KCNC2: variants seen among roughly 807,000 people sequenced by gnomAD.
KCNC2 encodes voltage-gated potassium channel KCNC2.
Under a neutral mutation model 44.5 loss-of-function variants are expected in KCNC2, and 21 were observed. The observed-to-expected ratio is 0.47, with a 90% CI of 0.33 to 0.68. KCNC2 has a LOEUF of 0.68. Among genes scored for constraint, KCNC2 ranks in the 30% least tolerant of loss-of-function variants. The pLI is 0.01. For synonymous variants in KCNC2, 391 were observed against 339.1 expected (o/e 1.15, Z -1.68); for missense variants, 589 against 826.2 (o/e 0.71, Z 3.52).
chr12:75,182,538 CAAAAAAAACA>C (rs1265972483), intron 2 of KCNC2, among the ~76,000 whole-genome samples: 4 of 123,572 alleles, frequency 3.2e-5, no homozygotes, highest in South Asian at 5.0e-4. Flanking sequence ...AAAAAAAAAA[CAAAAAAAACA>C]AAAAAAAACA....
At chr12:75,191,548 T>A (rs1565681665) in intron 2 of KCNC2, among the ~76,000 whole-genome samples, 3 of 67,832 alleles carry the variant, frequency 4.4e-5, no homozygotes, top group Non-Finnish European at 8.3e-5. Flanking sequence ...TTTTTTTTTT[T>A]TTTTTTTTTT....
At chr12:75,048,640 A>G (rs1880819003) in intron 3 of KCNC2, among the ~76,000 whole-genome samples, 1 of 152,098 alleles carries the variant, frequency 6.6e-6, no homozygotes, top group Non-Finnish European at 1.5e-5. Flanking sequence ...ATTGTCTTAC[A>G]ATTTTTGACG....
chr12:75,190,141 G>C (rs909111238), intron 2 of KCNC2, among the ~76,000 whole-genome samples: 1 of 152,054 alleles, frequency 6.6e-6, no homozygotes, highest in Non-Finnish European at 1.5e-5. Flanking sequence ...TTATGAAATT[G>C]AAAAAGAAAC....
At chr12:75,086,681 A>AAAAATATATAT (rs1206456289) in intron 2 of KCNC2, among the ~76,000 whole-genome samples, 52 of 54,158 alleles carry the variant, frequency 9.6e-4, no homozygotes, top group African/African-American at 4.0e-3. Context: ...AAAAAAAAAA[A>AAAAATATATAT]ATATATATAT....
rs553557882 is a variant in KCNC2, at chr12:75,135,980, C to G, written c.687+71317G>C. ...CACACCACACTTACCAACTCCTTTT[C>G]TCTAATGTCAGAGAAAAATTTCCCT... On this transcript the variant is annotated intron_variant, in intron 2 of 4. Coordinates refer to ENST00000549446, the MANE Select transcript of KCNC2 (RefSeq NM_139137.4). Among the ~76,000 whole-genome samples, 17 of 152,090 alleles carry G rather than the reference C, an allele frequency of 1.1e-4. No homozygotes were observed. The East Asian group carries it at 1.9e-3, about 17-fold the overall frequency.
rs151248231 is a variant in KCNC2 at position 75,048,164 on chromosome 12, C to G, written c.1769G>C (p.Gly590Ala). ...AAATGCATGCCTACCTTTCCTGATC[C>G]CTCCATCAGAAGCACACGTGTAATC... is the stretch of plus-strand genomic sequence containing the variant. ...TGDYTCASDG[G>A]IRKGYEKSRS... The change falls in exon 4 of 5, where the codon GGG becomes GCG. Residue 590 changes from glycine to alanine, a missense_variant. Coordinates refer to ENST00000549446, the MANE Select transcript of KCNC2 (RefSeq NM_139137.4). 4.3e-5 allele frequency: 69 copies of G among 1,612,572 alleles called. No homozygotes were observed. In the African/African-American group the frequency reaches 9.1e-4, roughly 21 times the overall value.
chr12:75,097,942 A>T (rs752409727), intron 2 of KCNC2, among the ~76,000 whole-genome samples: 10 of 152,168 alleles, frequency 6.6e-5, no homozygotes, highest in Non-Finnish European at 1.5e-4. Flanking sequence ...GTAGCAAGTT[A>T]TGAGTTTGGT....
intron 2 of KCNC2, among the ~76,000 whole-genome samples, chr12:75,194,806 T>C (rs1460084400): frequency 6.6e-6 from 1 of 152,156 alleles, no homozygotes; most frequent in Non-Finnish European, 1.5e-5. Context: ...TATGGAATCT[T>C]AGTATGTAGT....
Position 75,105,384 on chromosome 12 carries a change from A to G in KCNC2, c.688-54067T>C, listed in dbSNP as rs2137202531. Among the ~76,000 whole-genome samples the G allele has an allele frequency of 1.3e-5, 2 of 152,298 alleles. 1 individual carries two copies. The highest frequency in any genetic ancestry group is 4.1e-4 in the South Asian group (2 of 4,824). ...AACTGATACAAGTGAAGTCAGAGAC[A>G]AACTTCAGTAGGTTGTGTAGATCTG... On this transcript the variant is annotated intron_variant, in intron 2 of 4. Transcript: ENST00000549446.
In KCNC2 at chr12:75,195,560, C is replaced by A. The variant is rs115774647; in HGVS notation, c.687+11737G>T. Among the ~76,000 whole-genome samples the A allele has an allele frequency of 3.7e-3, 567 of 152,114 alleles. 1 individual carries two copies. The highest frequency in any genetic ancestry group is 0.013 in the African/African-American group (533 of 41,512). On this transcript the variant is annotated intron_variant, in intron 2 of 4. Coordinates refer to ENST00000549446, the MANE Select transcript of KCNC2 (RefSeq NM_139137.4). The stretch of plus-strand genomic sequence containing the variant: ...TTTCTTGTTGCCTCATTCACTCCTA[C>A]CTAATTAGTCAAAACTCCTCTTCAA...
chr12:75,174,978 C>G (rs2471652), intron 2 of KCNC2, among the ~76,000 whole-genome samples: 96,212 of 151,302 alleles, frequency 0.64, 31,939 homozygotes, highest in African/African-American at 0.84. Flanking sequence ...ATAATAAACA[C>G]GTGCAGAGAA....
At chr12:75,195,619 T>C (rs952859849) in intron 2 of KCNC2, among the ~76,000 whole-genome samples, 2 of 152,104 alleles carry the variant, frequency 1.3e-5, no homozygotes, top group African/African-American at 4.8e-5. Context: ...TTCATTCCTC[T>C]TGCTGCTGTC....
At chr12:75,203,085 C>T (rs1034154061) in intron 2 of KCNC2, among the ~76,000 whole-genome samples, 5 of 151,670 alleles carry the variant, frequency 3.3e-5, no homozygotes, top group Admixed American at 2.0e-4. Context: ...GCCATTAATT[C>T]TTTTAATTAG....
chr12:75,125,933 C>CTAT (rs1888388839), intron 2 of KCNC2, among the ~76,000 whole-genome samples: 1 of 152,160 alleles, frequency 6.6e-6, no homozygotes, highest in Admixed American at 6.5e-5. Context: ...TTCTGTTTGA[C>CTAT]TATTATCCTT....
In KCNC2 at chr12:75,055,848, A is replaced by G. The variant is rs1011442310; in HGVS notation, c.688-4531T>C. Reference sequence around the variant, plus strand: ...TATTTAAGCAAATTTTTAGGTATGTATAATAGGCAGAGAGAAAGTGATGAA... The same window carrying G: ...TATTTAAGCAAATTTTTAGGTATGTGTAATAGGCAGAGAGAAAGTGATGAA... On this transcript the variant is annotated intron_variant, in intron 2 of 4. Transcript: ENST00000549446. Among the ~76,000 whole-genome samples the G allele has an allele frequency of 2.6e-5, 4 of 152,072 alleles. No individual in the cohort carries two copies. The South Asian group carries it at 8.3e-4, about 31-fold the overall frequency.
At chr12:75,201,268 A>G (rs917423967) in intron 2 of KCNC2, among the ~76,000 whole-genome samples, 1 of 61,386 alleles carries the variant, frequency 1.6e-5, no homozygotes, top group African/African-American at 8.9e-5. Flanking sequence ...ATTGGAAAAA[A>G]AAAAAAAAAA....
chr12:75,048,258 G>C lies in KCNC2; in HGVS notation c.1675C>G (p.Pro559Ala), dbSNP rs200685999. 1.9e-6 allele frequency: 3 copies of C among 1,612,766 alleles called. No individual in the cohort carries two copies. Among genetic ancestry groups the C allele is most frequent in the Admixed American group, 1.7e-5 (1 of 59,886 alleles). Reference protein sequence around the residue: ...EPPLSPPERLPIRRSSTRDKN... With the variant: ...EPPLSPPERLAIRRSSTRDKN... The stretch of plus-strand genomic sequence containing the variant: ...TCTCTGGTACTAGAGCGTCTGATGG[G>C]GAGCCTTTCTGGGGGTGATAGTGGC... The change falls in exon 4 of 5, where the codon CCC becomes GCC. Residue 559 changes from proline to alanine, a missense_variant. Around this residue, in one of 7 missense-constraint regions of KCNC2, gnomAD observed 171 missense variants for 182.4 expected, o/e 0.94. Coordinates refer to ENST00000549446, the MANE Select transcript of KCNC2 (RefSeq NM_139137.4).
intron 2 of KCNC2, among the ~76,000 whole-genome samples, chr12:75,134,477 A>T (rs1889086130): frequency 6.6e-6 from 1 of 151,960 alleles, no homozygotes; most frequent in Non-Finnish European, 1.5e-5. Flanking sequence ...TTGAAATTTC[A>T]GGAAAATAAG....
intron 2 of KCNC2, among the ~76,000 whole-genome samples, chr12:75,071,269 A>T (rs1476493158): frequency 6.6e-6 from 1 of 152,102 alleles, no homozygotes; most frequent in Non-Finnish European, 1.5e-5. Flanking sequence ...GTAGCAATTA[A>T]AAAAAACCCT....
Sources: allele counts gnomAD v4.1 joint callset (sites outside exome capture counted in the v4.1 genomes callset), GRCh38; gene constraint gnomAD v4.1.1; regional missense constraint gnomAD v4.1.1; transcripts MANE v1.5; gene names NCBI Gene and HGNC (gene_info 2026-07-23, HGNC 2026-07-21).